TADA3: variants seen among roughly 807,000 people sequenced by gnomAD.
TADA3 encodes the protein transcriptional adaptor 3, also known as transcriptional adapter 3.
A neutral mutation model predicts 43.2 loss-of-function variants in TADA3; 25 were observed. The ratio of observed to expected loss-of-function variants is 0.58; its 90% confidence interval spans 0.42 to 0.81. The LOEUF is 0.81. Among genes scored for constraint, TADA3 ranks in the 30% least tolerant of loss-of-function variants. TADA3 has a pLI of 0.00. For missense variants in TADA3, 441 were observed against 567.8 expected (o/e 0.78, Z 2.27); for synonymous variants, 235 against 225.5 (o/e 1.04, Z -0.38).
chr3:9,785,921 CACTCCTCCTT>C (rs2078596740), intron 6 of TADA3, among the ~76,000 whole-genome samples: 1 of 151,506 alleles, frequency 6.6e-6, no homozygotes, highest in South Asian at 2.1e-4. Context: ...TTCCTTCACA[CACTCCTCCTT>C]GTTTTGTTTT....
At chr3:9,787,599 C>T (rs922256937) in intron 4 of TADA3, 27 of 1,102,504 alleles carry the variant, frequency 2.4e-5, no homozygotes, top group Admixed American at 7.5e-5. Flanking sequence ...GTGCAGAATA[C>T]GTACACAGAT....
At chr3:9,792,888 G>T, upstream of TADA3, 1 of 1,387,722 alleles carries the variant, frequency 7.2e-7, no homozygotes, top group South Asian at 1.6e-5. Context: ...ACCCATTCCT[G>T]GAGGAGCTTA....
Position 9,792,361 on chromosome 3 carries a change from C to A in TADA3, c.-173G>T. ...CTTCAGAGTCCTCGTTCTCTAGGGA[C>A]ACCCTAGTGCGACCCCCGCCCCCTC... is the stretch of plus-strand genomic sequence containing the variant. On this transcript the variant is annotated 5_prime_UTR_variant, in exon 1 of 9. Transcript: ENST00000301964. 2.4e-6 allele frequency: 1 copy of A among 416,226 alleles called. No individual in the cohort carries two copies. 25.8% of individuals were successfully genotyped at this position (416,226 alleles called of 1,614,324 possible).
At position 9,789,487 on chromosome 3, in the gene TADA3, T is replaced by A. The variant is rs2078688562; in HGVS notation, c.564+22A>T. On this transcript the variant is annotated intron_variant, in intron 4 of 8. Coordinates refer to ENST00000301964, the MANE Select transcript of TADA3 (RefSeq NM_006354.5). ...GAACTCTCTTGTTCCGCATCATGTC[T>A]ATCAAGGCCCAGAGTTTCTACCTTG... 5 of 1,604,568 alleles carry A rather than the reference T, an allele frequency of 3.1e-6. 1 individual carries two copies. The highest frequency in any genetic ancestry group is 2.6e-6 in the Non-Finnish European group (3 of 1,172,584).
At chr3:9,788,712 GTAT>G in intron 4 of TADA3, among the ~76,000 whole-genome samples, 1 of 151,088 alleles carries the variant, frequency 6.6e-6, no homozygotes, top group Non-Finnish European at 1.5e-5. Context: ...GCTAATTTTT[GTAT>G]TTTTAGTAGA....
In TADA3 at chr3:9,787,310, G is replaced by A. The variant is rs750730430; in HGVS notation, c.595C>T (p.Arg199Cys). The change falls in exon 5 of 9, where the codon CGC (arginine) becomes TGC (cysteine). Residue 199 changes from arginine (R) to cysteine (C), a missense_variant. Physicochemically the swap from Arg to Cys is radical, Grantham distance 180. Transcript: ENST00000301964. ...IPPLGKHYSQ[R>C]WAQEDLLEEQ... The stretch of plus-strand genomic sequence containing the variant: ...TCCAGCAGGTCCTCCTGGGCCCAGC[G>A]CTGGGAGTAGTGCTTCCCCAGGGGT... The A allele has an allele frequency of 8.7e-6, 14 of 1,613,706 alleles. No individual in the cohort carries two copies. The highest frequency in any genetic ancestry group is 2.2e-5 in the East Asian group (1 of 44,882).
upstream of TADA3, chr3:9,792,905 G>T: frequency 7.2e-7 from 1 of 1,398,470 alleles, no homozygotes; most frequent in Admixed American, 3.3e-5. Context: ...CTTAAATAGT[G>T]ACTCGAGTGC....
chr3:9,792,465 C>G lies in TADA3; in HGVS notation c.-277G>C. The G allele has an allele frequency of 1.7e-6, 2 of 1,182,246 alleles. No individual in the cohort carries two copies. Among genetic ancestry groups the G allele is most frequent in the Non-Finnish European group, 2.1e-6 (2 of 956,190 alleles). The allele number at this position is 1,182,246 out of a possible 1,614,324, so 73.2% of individuals were successfully genotyped here. On this transcript the variant is annotated 5_prime_UTR_variant, in exon 1 of 9. Transcript: ENST00000301964. ...AGTTCCGGTCGATGTGAGCAACCGC[C>G]CCGGAACTGGCTATGGGCGGGCCCC... is the stretch of plus-strand genomic sequence containing the variant.
chr3:9,789,974 C>T lies in TADA3; in HGVS notation c.208-11G>A. 6.3e-7 allele frequency: 1 copy of T among 1,576,798 alleles called. No homozygotes were observed. The highest frequency in any genetic ancestry group is 8.6e-7 in the Non-Finnish European group (1 of 1,162,814). Reference sequence around the variant, plus strand: ...CCAGTCGGTGAGGATCTGAAATTTACAGAAAGTGTCACTGAGGGGGAGAAG... The same window carrying T: ...CCAGTCGGTGAGGATCTGAAATTTATAGAAAGTGTCACTGAGGGGGAGAAG... On this transcript the variant is annotated splice_polypyrimidine_tract_variant and intron_variant, in intron 2 of 8. Transcript: ENST00000301964.
intron 4 of TADA3, 82 bp from the exon 5 acceptor site, chr3:9,787,422 A>T: frequency 6.6e-7 from 1 of 1,514,196 alleles, no homozygotes; most frequent in East Asian, 2.3e-5. Context: ...TACCTATCTT[A>T]TATCTCTCTC....
chr3:9,790,097 A>T (rs1378022707), intron 2 of TADA3, 134 bp from the exon 3 acceptor site: 35 of 1,118,814 alleles, frequency 3.1e-5, no homozygotes, highest in Non-Finnish European at 3.9e-5. Flanking sequence ...TACCTAGTAA[A>T]CTCTTACTCA....
chr3:9,782,992 T>C (rs2125618282), intron 8 of TADA3: 1 of 152,290 alleles, frequency 6.6e-6, no homozygotes, highest in African/African-American at 2.4e-5. Flanking sequence ...ACAAGATGGA[T>C]GGGAGTTGAC....
chr3:9,789,266 C>T (rs1178207451), intron 4 of TADA3, among the ~76,000 whole-genome samples: 1 of 152,212 alleles, frequency 6.6e-6, no homozygotes, highest in Admixed American at 6.6e-5. Context: ...GATAAAGGAA[C>T]ATGGGCAGAC....
At chr3:9,783,765 G>A (rs2078537291) in intron 8 of TADA3, 5 of 461,086 alleles carry the variant, frequency 1.1e-5, no homozygotes, top group South Asian at 7.2e-5. Flanking sequence ...GTGACAGTGC[G>A]AGACTCCCTC....
At chr3:9,787,457 C>A in intron 4 of TADA3, 117 bp from the exon 5 acceptor site, 1 of 1,395,646 alleles carries the variant, frequency 7.2e-7, no homozygotes, top group East Asian at 2.4e-5. Flanking sequence ...AGGCCAAGCC[C>A]AGTGTCAGGT....
intron 4 of TADA3, chr3:9,788,088 C>T (rs748769018): frequency 3.6e-5 from 8 of 224,460 alleles, no homozygotes; most frequent in African/African-American, 9.0e-5. Context: ...CTGTAGATAA[C>T]GGGAGGAAGA....
intron 1 of TADA3, 39 bp from the exon 2 acceptor site, chr3:9,791,532 C>T: frequency 7.5e-7 from 1 of 1,328,212 alleles, no homozygotes. Flanking sequence ...ACAAAGTGGT[C>T]TGAGAAAAGC....
intron 1 of TADA3, among the ~76,000 whole-genome samples, chr3:9,791,911 G>A (rs976194612): frequency 6.6e-6 from 1 of 152,112 alleles, no homozygotes. Flanking sequence ...GTTCTGCTAA[G>A]ACTTTGAGTT....
At position 9,785,353 on chromosome 3, in the gene TADA3, C is replaced by A. The variant is rs1457774524; in HGVS notation, c.883G>T (p.Ala295Ser). 1 of 1,614,054 alleles carries A rather than the reference C, an allele frequency of 6.2e-7. No homozygotes were observed. The highest frequency in any genetic ancestry group is 2.2e-5 in the East Asian group (1 of 44,884). Residue 295 changes from alanine to serine, a missense_variant, in exon 7 of 9, where the codon GCA (alanine) becomes TCA (serine). Physicochemically the swap from Ala to Ser is moderately conservative, Grantham distance 99. Coordinates refer to ENST00000301964, the MANE Select transcript of TADA3 (RefSeq NM_006354.5). Reference protein sequence around the residue: ...MSGKESGADGASTSPRNQNKP... With the variant: ...MSGKESGADGSSTSPRNQNKP... ...TTCTGATTGCGAGGGGAGGTGCTTG[C>A]CCCGTCAGCCCCTGATTCTTTCCCA... is the stretch of plus-strand genomic sequence containing the variant.
Sources: gnomAD v4.1 joint callset for allele counts (sites outside exome capture counted in the v4.1 genomes callset) on GRCh38, gnomAD v4.1.1 for gene constraint, MANE v1.5 for transcripts, NCBI Gene and HGNC (gene_info 2026-07-23, HGNC 2026-07-21) for gene names.